Variants in TFDP2 observed in about 807,000 individuals in gnomAD.
The protein encoded by TFDP2 is transcription factor Dp-2.
A neutral mutation model predicts 59.3 loss-of-function variants in TFDP2; 17 were observed. The observed-to-expected ratio is 0.29, with a 90% CI of 0.20 to 0.43. The LOEUF is 0.43. TFDP2 is among the 20% of genes least tolerant of loss of function. The pLI is 1.00. For synonymous variants in TFDP2, 180 were observed against 194.7 expected (o/e 0.92, Z 0.63); for missense variants, 391 against 528.8 (o/e 0.74, Z 2.56).
intron 3 of TFDP2, among the ~76,000 whole-genome samples, chr3:142,053,835 AAC>A (rs1480373645): frequency 3.3e-5 from 5 of 152,256 alleles, no homozygotes; most frequent in Admixed American, 6.5e-5. Flanking sequence ...AAAAGATTTA[AAC>A]ACTTATGTAA....
chr3:142,080,615 A>G (rs984830358), intron 3 of TFDP2, among the ~76,000 whole-genome samples: 1 of 152,230 alleles, frequency 6.6e-6, no homozygotes, highest in Admixed American at 6.5e-5. Flanking sequence ...TACTTCACCA[A>G]TAAAGACACA....
At chr3:141,987,731 C>T (rs1209828209) in intron 6 of TFDP2, among the ~76,000 whole-genome samples, 1 of 146,050 alleles carries the variant, frequency 6.8e-6, no homozygotes, top group African/African-American at 2.5e-5. Context: ...AGTTCAAGAC[C>T]AGCCTGGCCA....
rs1467251373 is a variant in TFDP2, at chr3:141,968,388, A to C, written c.732+1685T>G. Among the ~76,000 whole-genome samples the C allele has an allele frequency of 2.0e-4, 23 of 114,766 alleles. 2 individuals carry two copies. Among genetic ancestry groups the C allele is most frequent in the Admixed American group, 1.1e-4 (1 of 9,266 alleles). The allele number at this position is 114,766 out of a possible 152,430, so 75.3% of individuals were successfully genotyped here. A position where few individuals can be genotyped will look rare whatever the true frequency, so the allele number is the denominator to read the frequency against. Reference sequence around the variant, plus strand: ...CTCATATATAACATATATCTCATATATATAACATATATATCATATATATAA... The same window carrying C: ...CTCATATATAACATATATCTCATATCTATAACATATATATCATATATATAA... On this transcript the variant is annotated intron_variant, in intron 9 of 12. Transcript: ENST00000489671.
intron 4 of TFDP2, among the ~76,000 whole-genome samples, chr3:142,000,537 T>C (rs556187829): frequency 0.015 from 2,356 of 152,276 alleles, 27 homozygotes; most frequent in Non-Finnish European, 0.023. Flanking sequence ...AACCACAGCA[T>C]CCAGTTCCTG....
rs2107819192 is a variant in TFDP2, at chr3:141,951,084, T to G, written c.*1429A>C. ...GGAGCCTGCACTTCCCCCATGGGAT[T>G]TAAAAAAGAACCAATTTGGGCCATG... On this transcript the variant is annotated 3_prime_UTR_variant, in exon 13 of 13. Coordinates refer to ENST00000489671, the MANE Select transcript of TFDP2 (RefSeq NM_001178139.2). 6.6e-6 allele frequency: 1 copy of G among 152,276 alleles called. No homozygotes were observed. The highest frequency in any genetic ancestry group is 2.4e-5 in the African/African-American group (1 of 41,552). The allele number at this position is 152,276 out of a possible 1,614,324, so 9.4% of individuals were successfully genotyped here.
chr3:142,123,132 T>TCTG (rs1261992976), intron 1 of TFDP2, among the ~76,000 whole-genome samples: 3 of 151,934 alleles, frequency 2.0e-5, no homozygotes, highest in Non-Finnish European at 2.9e-5. Flanking sequence ...CCTGCTAATT[T>TCTG]TTGTTGTTGT....
chr3:141,992,108 A>AG (rs993607097), intron 6 of TFDP2, among the ~76,000 whole-genome samples: 1 of 151,696 alleles, frequency 6.6e-6, no homozygotes, highest in Non-Finnish European at 1.5e-5. Context: ...GAAAGAAAGA[A>AG]GAAAAAAAAA....
intron 3 of TFDP2, among the ~76,000 whole-genome samples, chr3:142,010,021 A>C (rs1944532830): frequency 6.6e-6 from 1 of 152,122 alleles, no homozygotes. Context: ...CCTCCTCACC[A>C]TGTTACAGAA....
At chr3:142,089,168 T>G (rs1367043153) in intron 3 of TFDP2, among the ~76,000 whole-genome samples, 2 of 151,800 alleles carry the variant, frequency 1.3e-5, no homozygotes, top group Non-Finnish European at 2.9e-5. Flanking sequence ...TCAGTGCTGC[T>G]CTAACATTCT....
chr3:141,972,878 GA>G lies in TFDP2; in HGVS notation c.663+1169del, dbSNP rs375178859. The stretch of plus-strand genomic sequence containing the variant: ...GTATCAGCTCAATATTACTGGTCAT[GA>G]AAATGATGCTCAAATTCCACTCTAT... On this transcript the variant is annotated intron_variant, in intron 8 of 12. Transcript: ENST00000489671. Among the ~76,000 whole-genome samples, 21 of 151,936 alleles carry G rather than the reference GA, an allele frequency of 1.4e-4. No homozygotes were observed. The East Asian group carries it at 1.5e-3, about 11-fold the overall frequency.
At chr3:141,996,376 T>C (rs1405643157) in intron 4 of TFDP2, among the ~76,000 whole-genome samples, 4 of 152,204 alleles carry the variant, frequency 2.6e-5, no homozygotes, top group Non-Finnish European at 5.9e-5. Context: ...TATAGTTCTA[T>C]TTTTGTAAAG....
At chr3:142,045,858 A>G (rs1007549129) in intron 3 of TFDP2, among the ~76,000 whole-genome samples, 6 of 149,392 alleles carry the variant, frequency 4.0e-5, no homozygotes, top group African/African-American at 9.8e-5. Flanking sequence ...CCTGACCTCA[A>G]GTGATCCGCC....
intron 1 of TFDP2, among the ~76,000 whole-genome samples, chr3:142,145,747 C>T (rs560296203): frequency 1.4e-5 from 2 of 142,028 alleles, no homozygotes; most frequent in East Asian, 2.0e-4. Context: ...AATCCTTTTC[C>T]GAAAAAAAAG....
chr3:141,976,919 A>C (rs576289859), intron 7 of TFDP2, among the ~76,000 whole-genome samples: 10 of 151,978 alleles, frequency 6.6e-5, no homozygotes, highest in Admixed American at 5.9e-4. Flanking sequence ...TTAAGTAATA[A>C]AAGTAAAACT....
At chr3:141,966,342 T>A (rs1016077535) in intron 9 of TFDP2, among the ~76,000 whole-genome samples, 1 of 151,726 alleles carries the variant, frequency 6.6e-6, no homozygotes, top group Non-Finnish European at 1.5e-5. Flanking sequence ...CTGGCTAATT[T>A]TTGCATTTTT....
chr3:141,978,638 T>C lies in TFDP2; in HGVS notation c.401A>G (p.His134Arg). The change falls in exon 7 of 13, where the codon CAC becomes CGC. Residue 134 changes from histidine (H) to arginine (R), a missense_variant. Physicochemically the swap from His to Arg is conservative, Grantham distance 29. Around this residue, in one of 3 missense-constraint regions of TFDP2, gnomAD observed 162 missense variants for 206.8 expected, o/e 0.78. Transcript: ENST00000489671. The stretch of plus-strand genomic sequence containing the variant: ...TTTCTCACACACTTTCATTGAAAAG[T>C]GTCTCAAGCCTTTCCCATTTTTATC... ...KGDKNGKGLRHFSMKVCEKVQ... is the reference protein window; with the variant it reads ...KGDKNGKGLRRFSMKVCEKVQ... The C allele has an allele frequency of 6.2e-7, 1 of 1,612,732 alleles. No individual in the cohort carries two copies. Among genetic ancestry groups the C allele is most frequent in the Non-Finnish European group, 8.5e-7 (1 of 1,179,696 alleles).
rs938459644 is a variant in TFDP2, at chr3:141,990,990, G to C, written c.356+2548C>G. Among the ~76,000 whole-genome samples, 33 of 151,432 alleles carry C rather than the reference G, an allele frequency of 2.2e-4. No individual in the cohort carries two copies. The East Asian group carries it at 5.3e-3, about 24-fold the overall frequency. ...GGAGAATCACTTGAGCCCAGGAAGC[G>C]TAAGTTGCAGCGAGCCGAGATCACA... is the stretch of plus-strand genomic sequence containing the variant. On this transcript the variant is annotated intron_variant, in intron 6 of 12. Transcript: ENST00000489671.
chr3:141,957,453 T>C (rs1051893151), intron 11 of TFDP2, among the ~76,000 whole-genome samples: 3 of 152,200 alleles, frequency 2.0e-5, no homozygotes, highest in African/African-American at 7.2e-5. Flanking sequence ...ACCCAGCAAT[T>C]TCACTCGTAG....
chr3:142,108,446 G>A (rs962989388), intron 1 of TFDP2, among the ~76,000 whole-genome samples: 3 of 152,074 alleles, frequency 2.0e-5, no homozygotes, highest in Non-Finnish European at 4.4e-5. Flanking sequence ...CTGACCTCAA[G>A]TGACCCGCCC....
Sources: allele counts gnomAD v4.1 joint callset (sites outside exome capture counted in the v4.1 genomes callset), GRCh38; gene constraint gnomAD v4.1.1; regional missense constraint gnomAD v4.1.1; transcripts MANE v1.5; gene names NCBI Gene and HGNC (gene_info 2026-07-23, HGNC 2026-07-21).